CGNL1: variants seen among roughly 807,000 people sequenced by gnomAD.
CGNL1 encodes cingulin-like protein 1.
CGNL1 carries 132 observed loss-of-function variants against 141.2 expected under a neutral mutation model. That is an observed-to-expected ratio of 0.93 (90% CI 0.81 to 1.08). The LOEUF is 1.08. Ranked by LOEUF, CGNL1 falls within the 50% of genes least tolerant of loss-of-function variation. The pLI is 0.00. For missense variants in CGNL1, 1,870 were observed against 1,588.6 expected, an observed-to-expected ratio of 1.18 and a Z score of -3.01; for synonymous variants, 690 against 622.1, an observed-to-expected ratio of 1.11 and a Z score of -1.63.
At chr15:57,546,410 A>G (rs1393431595) in intron 18 of CGNL1, among the ~76,000 whole-genome samples, 171 bp downstream of exon 18, 1 of 152,170 alleles carries the variant, frequency 6.6e-6, no homozygotes, top group Non-Finnish European at 1.5e-5. Context: ...GTCACCTTAC[A>G]TGGGCAGTAG....
chr15:57,488,310 A>C (rs1426897706), intron 8 of CGNL1, among the ~76,000 whole-genome samples: 1 of 152,128 alleles, frequency 6.6e-6, no homozygotes, highest in African/African-American at 2.4e-5. Flanking sequence ...CTCTTAGTAC[A>C]TATTTAATTT....
At chr15:57,422,495 C>T (rs1161375448) in intron 1 of CGNL1, among the ~76,000 whole-genome samples, 1 of 152,084 alleles carries the variant, frequency 6.6e-6, no homozygotes, top group Non-Finnish European at 1.5e-5. Context: ...TTGCAGTTTG[C>T]TCTGTGGTCA....
intron 14 of CGNL1, among the ~76,000 whole-genome samples, chr15:57,537,980 A>G (rs74016271): frequency 0.074 from 11,291 of 152,130 alleles, 511 homozygotes; most frequent in African/African-American, 0.14. Context: ...AGGCTGGCTC[A>G]GCCAAGCCAT....
At chr15:57,429,279 T>G (rs2063016170) in intron 1 of CGNL1, among the ~76,000 whole-genome samples, 1 of 152,124 alleles carries the variant, frequency 6.6e-6, no homozygotes, top group African/African-American at 2.4e-5. Context: ...GGGTGGGTAA[T>G]TTATTTCTTG....
intron 1 of CGNL1, among the ~76,000 whole-genome samples, chr15:57,378,276 T>A (rs1682375167): frequency 6.6e-6 from 1 of 151,736 alleles, no homozygotes; most frequent in Non-Finnish European, 1.5e-5. Flanking sequence ...CCAAATATGA[T>A]GTTTGCATTA....
intron 4 of CGNL1, 64 bp from the exon 5 acceptor site, chr15:57,451,436 G>T: frequency 8.8e-7 from 1 of 1,131,128 alleles, no homozygotes; most frequent in African/African-American, 1.6e-5. Flanking sequence ...ATTTGGAGGG[G>T]GAAGATAATT....
chr15:57,410,655 GATAAA>G (rs1435113690), intron 1 of CGNL1, among the ~76,000 whole-genome samples: 17 of 152,174 alleles, frequency 1.1e-4, no homozygotes, highest in African/African-American at 3.6e-4. Context: ...AATTGAGAAA[GATAAA>G]ATAAATTCTT....
intron 1 of CGNL1, among the ~76,000 whole-genome samples, chr15:57,410,197 G>T (rs1333819621): frequency 1.3e-5 from 2 of 152,210 alleles, no homozygotes; most frequent in South Asian, 4.1e-4. Flanking sequence ...ACTCCGTCAG[G>T]ATCCTAGGTC....
intron 1 of CGNL1, among the ~76,000 whole-genome samples, chr15:57,436,647 A>G (rs149228009): frequency 6.6e-6 from 1 of 152,220 alleles, no homozygotes; most frequent in African/African-American, 2.4e-5. Context: ...CGTCCAAGTC[A>G]AGGAGTCAGA....
At chr15:57,386,889 A>G (rs1398146644) in intron 1 of CGNL1, among the ~76,000 whole-genome samples, 2 of 152,154 alleles carry the variant, frequency 1.3e-5, no homozygotes, top group Non-Finnish European at 2.9e-5. Context: ...GGAGCTGAAA[A>G]AGGATCTTTC....
At chr15:57,473,839 T>A (rs946627569) in intron 8 of CGNL1, among the ~76,000 whole-genome samples, 1 of 150,670 alleles carries the variant, frequency 6.6e-6, no homozygotes, top group Non-Finnish European at 1.5e-5. Flanking sequence ...TGCAGCCTCA[T>A]CAGAAACCCT....
chr15:57,435,342 C>T lies in CGNL1; in HGVS notation c.-15-2643C>T, dbSNP rs75944340. Among the ~76,000 whole-genome samples, 844 of 150,438 alleles carry T rather than the reference C, an allele frequency of 5.6e-3. 11 individuals are homozygous for T. The highest frequency in any genetic ancestry group is 0.019 in the African/African-American group (771 of 40,926). On this transcript the variant is annotated intron_variant, in intron 1 of 18. Coordinates refer to ENST00000281282, the MANE Select transcript of CGNL1 (RefSeq NM_032866.5). ...ATGTAGAACCAATAAGTTAAGGAAT[C>T]ACAGTCAGGAATATTGTTTAGCAAA... is the stretch of plus-strand genomic sequence containing the variant.
intron 8 of CGNL1, among the ~76,000 whole-genome samples, chr15:57,482,463 G>A (rs1367624484): frequency 6.6e-6 from 1 of 152,176 alleles, no homozygotes; most frequent in Non-Finnish European, 1.5e-5. Context: ...GTTAAATTTT[G>A]TGTAAGGTGG....
At chr15:57,385,039 G>A (rs1156710868) in intron 1 of CGNL1, among the ~76,000 whole-genome samples, 1 of 152,168 alleles carries the variant, frequency 6.6e-6, no homozygotes, top group Admixed American at 6.5e-5. Flanking sequence ...CTTATCTGAA[G>A]GGCATCCCGA....
At chr15:57,537,425 AG>A (rs1344305727) in intron 14 of CGNL1, among the ~76,000 whole-genome samples, 3 of 151,726 alleles carry the variant, frequency 2.0e-5, no homozygotes, top group Non-Finnish European at 2.9e-5. Flanking sequence ...GAAAGATCAG[AG>A]GGGGGTTTTC....
intron 4 of CGNL1, among the ~76,000 whole-genome samples, chr15:57,447,413 A>G (rs545670688): frequency 6.6e-6 from 1 of 152,208 alleles, no homozygotes; most frequent in Admixed American, 6.5e-5. Flanking sequence ...TGTGGCAAGT[A>G]TTGTTTTGCT....
chr15:57,406,385 G>A (rs910619133), intron 1 of CGNL1, among the ~76,000 whole-genome samples: 1 of 152,146 alleles, frequency 6.6e-6, no homozygotes, highest in Admixed American at 6.5e-5. Context: ...TGAGGGTGGG[G>A]GTTCTAAGAG....
intron 8 of CGNL1, chr15:57,477,485 G>A (rs2063671753): frequency 6.6e-6 from 1 of 152,162 alleles, no homozygotes; most frequent in Admixed American, 6.5e-5. Flanking sequence ...AGTCCATCTG[G>A]GGAAGTATTT....
At chr15:57,468,258 T>G (rs1465312059) in intron 8 of CGNL1, among the ~76,000 whole-genome samples, 1 of 64,354 alleles carries the variant, frequency 1.6e-5, no homozygotes, top group Non-Finnish European at 3.2e-5. Flanking sequence ...TTTTTTTTTT[T>G]GAGACAGAGT....
Sources: gnomAD v4.1 joint callset for allele counts (sites outside exome capture counted in the v4.1 genomes callset) on GRCh38, gnomAD v4.1.1 for gene constraint, MANE v1.5 for transcripts, NCBI Gene and HGNC (gene_info 2026-07-23, HGNC 2026-07-21) for gene names.